Variants in EPHA4 observed in about 807,000 individuals in gnomAD.
EPHA4 encodes ephrin type-A receptor 4.
EPHA4 carries 19 observed loss-of-function variants against 108.3 expected under a neutral mutation model. That is an observed-to-expected ratio of 0.18 (90% confidence interval 0.12 to 0.26). The LOEUF (loss-of-function observed/expected upper bound fraction) is 0.26, where lower values mean the gene tolerates loss of function less well. EPHA4 is among the 10% of genes least tolerant of loss of function. The probability of loss-of-function intolerance (pLI) is 1.00; values close to 1 mark genes in which losing one functional copy is unlikely to be tolerated. For synonymous variants in EPHA4, 449 were observed against 455.5 expected (o/e 0.99, Z 0.18); for missense variants, 917 against 1,254.0 (o/e 0.73, Z 4.06).
At chr2:221,555,738 A>G (rs964386271) in intron 3 of EPHA4, among the ~76,000 whole-genome samples, 4 of 152,168 alleles carry the variant, frequency 2.6e-5, no homozygotes, top group African/African-American at 9.7e-5. Flanking sequence ...GCCTTCTTTA[A>G]TCATTCCTTC....
At chr2:221,458,120 T>C in intron 5 of EPHA4, 130 bp from the exon 6 acceptor site, 1 of 1,132,002 alleles carries the variant, frequency 8.8e-7, no homozygotes. Context: ...CTTGACCATT[T>C]TACTCTTCAG....
At chr2:221,422,463 T>G (rs564620910) in intron 17 of EPHA4, among the ~76,000 whole-genome samples, 5 of 152,368 alleles carry the variant, frequency 3.3e-5, no homozygotes, top group African/African-American at 1.2e-4. Context: ...CTTCTCCACT[T>G]AACATCTGGA....
intron 5 of EPHA4, among the ~76,000 whole-genome samples, chr2:221,465,911 A>G (rs1691295373): frequency 1.3e-5 from 2 of 152,154 alleles, no homozygotes; most frequent in African/African-American, 4.8e-5. Context: ...ATCACAACTA[A>G]CTCAGATAAA....
Position 221,425,933 on chromosome 2 carries a change from G to T in EPHA4, c.*95C>A. On this transcript the variant is annotated 3_prime_UTR_variant, in exon 17 of 18. Transcript: ENST00000281821. ...TTTTTTTCATTTCTTTAATTTCAGA[G>T]GGCGAAGACGAAGTAAAAAAAGTGC... 1 of 967,204 alleles carries T rather than the reference G, an allele frequency of 1.0e-6. No homozygotes were observed. Among genetic ancestry groups the T allele is most frequent in the Non-Finnish European group, 1.6e-6 (1 of 616,786 alleles). The allele number at this position is 967,204 out of a possible 1,614,324, so 59.9% of individuals were successfully genotyped here. A position where few individuals can be genotyped will look rare whatever the true frequency, so the allele number is the denominator to read the frequency against.
rs557859371 is a variant in EPHA4, at chr2:221,420,009, C to T, written c.*1363G>A. The T allele has an allele frequency of 6.5e-6, 1 of 152,762 alleles. No homozygotes were observed. Among genetic ancestry groups the T allele is most frequent in the Non-Finnish European group, 1.5e-5 (1 of 68,052 alleles). 9.5% of individuals were successfully genotyped at this position (152,762 alleles called of 1,614,324 possible). A position where few individuals can be genotyped will look rare whatever the true frequency, so the allele number is the denominator to read the frequency against. Reference sequence around the variant, plus strand: ...TACACACATCAAAAGAGATAGTCAGCTCATATTTAGTCTAAGAAAAAAATA... The same window carrying T: ...TACACACATCAAAAGAGATAGTCAGTTCATATTTAGTCTAAGAAAAAAATA... On this transcript the variant is annotated 3_prime_UTR_variant, in exon 18 of 18. Transcript: ENST00000281821.
At chr2:221,477,737 C>G (rs1307733042) in intron 5 of EPHA4, among the ~76,000 whole-genome samples, 2 of 152,166 alleles carry the variant, frequency 1.3e-5, no homozygotes, top group African/African-American at 4.8e-5. Context: ...ATTGAGAGAC[C>G]ATTTCTAAAC....
In EPHA4 at chr2:221,426,446, A is replaced by G. The variant is rs1290001753; in HGVS notation, c.2846+18T>C. ...AAATCTAGATTTACCCTTTCGTGTT[A>G]CATCGTTGAGTACTTACTCCTGGTT... On this transcript the variant is annotated intron_variant, in intron 16 of 17. Coordinates refer to ENST00000281821, the MANE Select transcript of EPHA4 (RefSeq NM_004438.5). 1 of 1,580,574 alleles carries G rather than the reference A, an allele frequency of 6.3e-7. No homozygotes were observed. Among genetic ancestry groups the G allele is most frequent in the African/African-American group, 1.4e-5 (1 of 72,972 alleles).
chr2:221,466,408 T>G (rs1691315316), intron 5 of EPHA4, among the ~76,000 whole-genome samples: 2 of 152,290 alleles, frequency 1.3e-5, no homozygotes, highest in South Asian at 2.1e-4. Context: ...GGCAAGGCAC[T>G]TGCACATACA....
At chr2:221,501,255 C>CTGAA in intron 3 of EPHA4, 83 bp from the exon 4 acceptor site, 1 of 1,254,906 alleles carries the variant, frequency 8.0e-7, no homozygotes, top group Non-Finnish European at 1.1e-6. Context: ...CTCCTTGTTT[C>CTGAA]AGAAGAAGGG....
rs577375035 is a variant in EPHA4 at position 221,486,860 on chromosome 2, TG to T, written c.980-4171del. On this transcript the variant is annotated intron_variant, in intron 4 of 17. Coordinates refer to ENST00000281821, the MANE Select transcript of EPHA4 (RefSeq NM_004438.5). ...AATGTTTGATAAGTCAATGAATGAA[TG>T]AATTAAAAACTAATGAAGTCCTTTA... Among the ~76,000 whole-genome samples the T allele has an allele frequency of 5.3e-3, 802 of 152,110 alleles. 4 individuals carry two copies. The highest frequency in any genetic ancestry group is 9.2e-3 in the Non-Finnish European group (624 of 67,962).
chr2:221,529,838 A>G (rs1464694668), intron 3 of EPHA4, among the ~76,000 whole-genome samples: 1 of 152,178 alleles, frequency 6.6e-6, no homozygotes, highest in Non-Finnish European at 1.5e-5. Context: ...TTTCCCCTAC[A>G]TTTGAGGAAA....
chr2:221,469,116 T>C (rs1691402186), intron 5 of EPHA4, among the ~76,000 whole-genome samples: 1 of 152,238 alleles, frequency 6.6e-6, no homozygotes, highest in Non-Finnish European at 1.5e-5. Flanking sequence ...GTGAGGTATA[T>C]TAATCCAGAT....
chr2:221,513,023 C>T (rs749330319), intron 3 of EPHA4, among the ~76,000 whole-genome samples: 5 of 152,026 alleles, frequency 3.3e-5, no homozygotes, highest in African/African-American at 7.2e-5. Context: ...AAAAACCACC[C>T]GAAAGAAAAG....
intron 5 of EPHA4, among the ~76,000 whole-genome samples, chr2:221,470,642 C>G (rs3770160): frequency 0.024 from 3,488 of 145,490 alleles, 89 homozygotes; most frequent in East Asian, 0.083. Context: ...CTTTAGGGAA[C>G]CTTTTTTATA....
chr2:221,452,596 C>T (rs531533825), intron 8 of EPHA4, among the ~76,000 whole-genome samples: 14 of 152,296 alleles, frequency 9.2e-5, no homozygotes, highest in African/African-American at 1.7e-4. Flanking sequence ...GACAGCTTTA[C>T]GGCCGACACT....
At chr2:221,454,359 T>A (rs1197524858) in intron 8 of EPHA4, among the ~76,000 whole-genome samples, 1 of 152,044 alleles carries the variant, frequency 6.6e-6, no homozygotes, top group Non-Finnish European at 1.5e-5. Flanking sequence ...AGATCATCAG[T>A]AGGCAGAGAG....
intron 8 of EPHA4, among the ~76,000 whole-genome samples, chr2:221,453,089 A>C (rs3821028): frequency 0.056 from 8,461 of 152,278 alleles, 471 homozygotes; most frequent in African/African-American, 0.14. Context: ...AAAGCAAAGT[A>C]AATCTAAAGC....
chr2:221,547,016 G>A (rs910528741), intron 3 of EPHA4, among the ~76,000 whole-genome samples: 3 of 152,184 alleles, frequency 2.0e-5, no homozygotes, highest in Admixed American at 6.5e-5. Flanking sequence ...TGAGCTGAAA[G>A]GTGAGTCATT....
Position 221,425,853 on chromosome 2 carries a change from T to C in EPHA4, c.*175A>G. 1.6e-6 allele frequency: 1 copy of C among 611,904 alleles called. No homozygotes were observed. 37.9% of individuals were successfully genotyped at this position (611,904 alleles called of 1,614,324 possible). ...TTCAAATGACCGGCAGTCATTTCTG[T>C]AAGCCCCACAGTTTCAGCAATCTGT... On this transcript the variant is annotated 3_prime_UTR_variant, in exon 17 of 18. Coordinates refer to ENST00000281821, the MANE Select transcript of EPHA4 (RefSeq NM_004438.5).
Sources: allele counts gnomAD v4.1 joint callset (sites outside exome capture counted in the v4.1 genomes callset), GRCh38; gene constraint gnomAD v4.1.1; transcripts MANE v1.5; gene names NCBI Gene and HGNC (gene_info 2026-07-23, HGNC 2026-07-21).